The following FAM110B variants were observed in gnomAD, a reference collection of about 807,000 sequenced individuals.
The protein encoded by FAM110B is family with sequence similarity 110 member B, also known as protein FAM110B.
In FAM110B, 6 loss-of-function variants were observed where a neutral mutation model predicts 20.4. The observed-to-expected ratio is 0.29, with a 90% confidence interval of 0.16 to 0.58. FAM110B has a LOEUF of 0.58. FAM110B is among the 20% of genes least tolerant of loss of function. The probability of loss-of-function intolerance (pLI) is 0.90; values close to 1 mark genes in which losing one functional copy is unlikely to be tolerated. For missense variants in FAM110B, 434 were observed against 498.2 expected (o/e 0.87, Z 1.23); for synonymous variants, 226 against 214.1 (o/e 1.06, Z -0.49).
chr8:58,055,498 T>A (rs963576421), intron 2 of FAM110B, among the ~76,000 whole-genome samples: 1 of 152,236 alleles, frequency 6.6e-6, no homozygotes, highest in Non-Finnish European at 1.5e-5. Context: ...CTTAAACCTG[T>A]GGAGACAAAT....
chr8:58,124,449 T>C (rs1807442540), intron 3 of FAM110B, among the ~76,000 whole-genome samples: 1 of 152,190 alleles, frequency 6.6e-6, no homozygotes, highest in Admixed American at 6.5e-5. Flanking sequence ...CAAATAGAGA[T>C]TGGGATTTCA....
chr8:58,107,641 AG>A (rs1316950104), intron 3 of FAM110B, among the ~76,000 whole-genome samples: 1 of 152,218 alleles, frequency 6.6e-6, no homozygotes, highest in African/African-American at 2.4e-5. Flanking sequence ...TGGTTTTGAA[AG>A]ATGTTTGTAT....
At chr8:57,998,334 C>T (rs1804225799) in intron 1 of FAM110B, among the ~76,000 whole-genome samples, 1 of 152,162 alleles carries the variant, frequency 6.6e-6, no homozygotes, top group African/African-American at 2.4e-5. Context: ...CTGTTTTTGG[C>T]TTCGTTGCTC....
At chr8:58,003,790 A>T (rs947012519) in intron 1 of FAM110B, among the ~76,000 whole-genome samples, 3 of 151,874 alleles carry the variant, frequency 2.0e-5, no homozygotes, top group Admixed American at 2.0e-4. Flanking sequence ...TGTGTAGAGC[A>T]CTGAGAGAGT....
chr8:58,132,146 T>C (rs552294376), intron 3 of FAM110B, among the ~76,000 whole-genome samples: 4 of 152,304 alleles, frequency 2.6e-5, no homozygotes, highest in Non-Finnish European at 4.4e-5. Context: ...TGTCACTGCC[T>C]CATATTGGAT....
chr8:58,021,364 A>G (rs528124982), intron 1 of FAM110B, among the ~76,000 whole-genome samples: 1 of 152,300 alleles, frequency 6.6e-6, no homozygotes, highest in South Asian at 2.1e-4. Context: ...AAAATTAATA[A>G]ATAAATAAAA....
intron 1 of FAM110B, among the ~76,000 whole-genome samples, chr8:58,008,864 G>A (rs984401978): frequency 3.3e-5 from 5 of 152,136 alleles, no homozygotes; most frequent in African/African-American, 1.2e-4. Flanking sequence ...GCTCACCAGA[G>A]CCCGAGTCCC....
intron 3 of FAM110B, among the ~76,000 whole-genome samples, chr8:58,128,230 G>A (rs1807561546): frequency 6.6e-6 from 1 of 152,086 alleles, no homozygotes; most frequent in South Asian, 2.1e-4. Flanking sequence ...GAATTCTCTT[G>A]TCCAGAGTCA....
chr8:58,079,596 G>A (rs545527494), intron 3 of FAM110B, among the ~76,000 whole-genome samples: 1 of 152,078 alleles, frequency 6.6e-6, no homozygotes, highest in Non-Finnish European at 1.5e-5. Context: ...GAGCAACACT[G>A]TGAGACCCTG....
chr8:58,120,914 G>A (rs191588037), intron 3 of FAM110B, among the ~76,000 whole-genome samples: 91 of 152,246 alleles, frequency 6.0e-4, no homozygotes, highest in African/African-American at 1.0e-3. Context: ...CAAGCAAGGC[G>A]GAGTGTCCCC....
intron 3 of FAM110B, among the ~76,000 whole-genome samples, chr8:58,139,580 A>C (rs1304158121): frequency 6.6e-6 from 1 of 152,210 alleles, no homozygotes; most frequent in Non-Finnish European, 1.5e-5. Flanking sequence ...TTATGCTCAC[A>C]GTATAAAAGG....
intron 2 of FAM110B, among the ~76,000 whole-genome samples, chr8:58,064,237 C>A (rs117496305): frequency 3.4e-4 from 52 of 152,230 alleles, no homozygotes; most frequent in Non-Finnish European, 6.2e-4. Context: ...TTGGTGGAGA[C>A]ACAGACCCAA....
At chr8:58,102,971 G>C (rs1479967735) in intron 3 of FAM110B, among the ~76,000 whole-genome samples, 1 of 131,510 alleles carries the variant, frequency 7.6e-6, no homozygotes, top group African/African-American at 2.8e-5. Flanking sequence ...TCTTTTACCT[G>C]AGCAGTATTA....
chr8:58,068,908 C>T (rs1326460924), intron 2 of FAM110B, among the ~76,000 whole-genome samples: 1 of 152,060 alleles, frequency 6.6e-6, no homozygotes, highest in Non-Finnish European at 1.5e-5. Flanking sequence ...TAAAACTTTT[C>T]CCAATTTATA....
At chr8:58,052,487 C>A (rs1165204400) in intron 2 of FAM110B, among the ~76,000 whole-genome samples, 1 of 152,086 alleles carries the variant, frequency 6.6e-6, no homozygotes, top group African/African-American at 2.4e-5. Context: ...GAACCAGGCA[C>A]TGTTCCGCAG....
chr8:58,077,546 T>C (rs902985882), intron 3 of FAM110B, among the ~76,000 whole-genome samples: 1 of 152,106 alleles, frequency 6.6e-6, no homozygotes, highest in African/African-American at 2.4e-5. Context: ...TAGTAACCAG[T>C]TGGATGGACT....
At chr8:58,106,034 A>G (rs1156574605) in intron 3 of FAM110B, among the ~76,000 whole-genome samples, 2 of 152,224 alleles carry the variant, frequency 1.3e-5, no homozygotes, top group Admixed American at 1.3e-4. Flanking sequence ...AATTAGAACA[A>G]AAGTGTCTAG....
chr8:58,075,676 T>C (rs1021160769), intron 3 of FAM110B, 53 bp downstream of exon 3: 2 of 152,142 alleles, frequency 1.3e-5, no homozygotes, highest in African/African-American at 4.8e-5. Flanking sequence ...ATTGATTCTC[T>C]ACGAAAACCT....
At chr8:58,052,775 T>A (rs1805473861) in intron 2 of FAM110B, among the ~76,000 whole-genome samples, 1 of 10,222 alleles carries the variant, frequency 9.8e-5, no homozygotes, top group African/African-American at 6.8e-4. Context: ...ATGGACTCTT[T>A]TTTTTTTTTT....
Sources: allele counts gnomAD v4.1 joint callset (sites outside exome capture counted in the v4.1 genomes callset), GRCh38; gene constraint gnomAD v4.1.1; transcripts MANE v1.5; gene names NCBI Gene and HGNC (gene_info 2026-07-23, HGNC 2026-07-21).